Variants in BCL11A observed in about 807,000 individuals in gnomAD.
BCL11A encodes B cell CLL/lymphoma 11A.
Under a neutral mutation model 55.9 loss-of-function variants are expected in BCL11A, and 2 were observed. The ratio of observed to expected loss-of-function variants is 0.04; its 90% CI spans 0.01 to 0.11. The LOEUF is 0.11. Ranked by LOEUF, BCL11A falls within the 10% of genes least tolerant of loss-of-function variation. BCL11A has a pLI of 1.00. For missense variants in BCL11A, 817 were observed against 1,137.1 expected (o/e 0.72, Z 4.05); for synonymous variants, 465 against 473.4 (o/e 0.98, Z 0.23).
At chr2:60,472,786 G>A (rs1677280211) in intron 2 of BCL11A, among the ~76,000 whole-genome samples, 1 of 152,242 alleles carries the variant, frequency 6.6e-6, no homozygotes, top group Middle Eastern at 3.4e-3. Context: ...CTAATCACTG[G>A]GTGTGTAATA....
chr2:60,483,643 A>C (rs1678093872), intron 2 of BCL11A, among the ~76,000 whole-genome samples: 1 of 152,244 alleles, frequency 6.6e-6, no homozygotes, highest in African/African-American at 2.4e-5. Context: ...CGTCCCCAGG[A>C]AACATCAAAT....
Position 60,459,631 on chromosome 2 carries a change from T to A in BCL11A, c.*773A>T. The A allele has an allele frequency of 9.7e-7, 1 of 1,031,116 alleles. No homozygotes were observed. Among genetic ancestry groups the A allele is most frequent in the African/African-American group, 1.7e-5 (1 of 59,258 alleles). 63.9% of individuals were successfully genotyped at this position (1,031,116 alleles called of 1,614,324 possible). A position where few individuals can be genotyped will look rare whatever the true frequency, so the allele number is the denominator to read the frequency against. On this transcript the variant is annotated 3_prime_UTR_variant, in exon 4 of 4. Coordinates refer to ENST00000642384, the MANE Select transcript of BCL11A (RefSeq NM_022893.4). The stretch of plus-strand genomic sequence containing the variant: ...CCAATGCTGAATTAAGCTACAAGTT[T>A]ATAACAAGTAGAAAGAACCATCGAT...
intron 2 of BCL11A, chr2:60,542,083 A>G (rs1185003439): frequency 1.9e-6 from 1 of 526,102 alleles, no homozygotes; most frequent in African/African-American, 2.0e-5. Context: ...CTGATATATC[A>G]TTATCTAAAT....
At chr2:60,511,623 T>C (rs1679991768) in intron 2 of BCL11A, among the ~76,000 whole-genome samples, 1 of 152,222 alleles carries the variant, frequency 6.6e-6, no homozygotes, top group African/African-American at 2.4e-5. Context: ...AGCTACACTC[T>C]ACATAACTGC....
chr2:60,552,503 G>A (rs1393402882), intron 1 of BCL11A, among the ~76,000 whole-genome samples: 1 of 152,122 alleles, frequency 6.6e-6, no homozygotes, highest in Non-Finnish European at 1.5e-5. Context: ...CCCACCTCTG[G>A]CCGGAACAAA....
intron 2 of BCL11A, among the ~76,000 whole-genome samples, chr2:60,501,010 A>T (rs965695550): frequency 5.3e-5 from 8 of 152,172 alleles, no homozygotes; most frequent in Admixed American, 2.6e-4. Context: ...GTAAAATGGG[A>T]GAACCCTGAA....
At chr2:60,499,246 T>TAG (rs1360904176) in intron 2 of BCL11A, among the ~76,000 whole-genome samples, 1 of 152,080 alleles carries the variant, frequency 6.6e-6, no homozygotes, top group Non-Finnish European at 1.5e-5. Flanking sequence ...GGCGAGTGGA[T>TAG]AGCGCCCTTC....
chr2:60,540,780 C>G (rs1041415577), intron 2 of BCL11A, among the ~76,000 whole-genome samples: 1 of 152,144 alleles, frequency 6.6e-6, no homozygotes, highest in Non-Finnish European at 1.5e-5. Context: ...CCTGCCTGCA[C>G]GTTTCTACAC....
intron 1 of BCL11A, among the ~76,000 whole-genome samples, chr2:60,549,076 T>A (rs1293203626): frequency 6.6e-6 from 1 of 152,066 alleles, no homozygotes; most frequent in African/African-American, 2.4e-5. Context: ...AGTCCTCGAT[T>A]GAAGTGGAAG....
rs1280621043 is a variant in BCL11A, at chr2:60,546,234, C to T, written c.122G>A (p.Gly41Glu). ...PDHGPLGAPE[G>E]DHDLLTCGQC... ...CCCACAGGTGAGGAGGTCATGATCCCCTTCTGGAGCTCCCAACGGGCCGTG... is the reference window on the plus strand; with the variant it reads ...CCCACAGGTGAGGAGGTCATGATCCTCTTCTGGAGCTCCCAACGGGCCGTG... The change falls in exon 2 of 4, where the codon GGG (glycine) becomes GAG (glutamate). Residue 41 changes from glycine to glutamate, a missense_variant. Gly to Glu is a moderately conservative substitution (Grantham distance 98, BLOSUM62 -2). Transcript: ENST00000642384. The surrounding 1 kb of genome is among the most constrained non-coding windows in gnomAD (Gnocchi z 4.1). The T allele has an allele frequency of 6.2e-7, 1 of 1,614,084 alleles. No homozygotes were observed. Among genetic ancestry groups the T allele is most frequent in the African/African-American group, 1.3e-5 (1 of 74,924 alleles).
intron 2 of BCL11A, among the ~76,000 whole-genome samples, chr2:60,513,744 A>G (rs1216863842): frequency 3.3e-5 from 5 of 152,234 alleles, no homozygotes; most frequent in Non-Finnish European, 7.3e-5. Flanking sequence ...CTGGGAAAAT[A>G]GAACTGAGTC....
rs1198243798 is a variant in BCL11A at position 60,460,402 on chromosome 2, C to A, written c.*2G>T. 14 of 1,590,682 alleles carry A rather than the reference C, an allele frequency of 8.8e-6. No homozygotes were observed. The highest frequency in any genetic ancestry group is 1.2e-5 in the Non-Finnish European group (14 of 1,163,672). On this transcript the variant is annotated 3_prime_UTR_variant, in exon 4 of 4. Coordinates refer to ENST00000642384, the MANE Select transcript of BCL11A (RefSeq NM_022893.4). ...GAGTGAGGGAGGGGTATTAATATAC[C>A]TCTATTCAGTTTTTATATCATTATT...
chr2:60,463,958 G>C (rs1261785186), intron 3 of BCL11A, among the ~76,000 whole-genome samples: 1 of 151,718 alleles, frequency 6.6e-6, no homozygotes, highest in Non-Finnish European at 1.5e-5. Flanking sequence ...GGTTAAGAGT[G>C]AGAATGAGGA....
chr2:60,517,113 T>A (rs1477177246), intron 2 of BCL11A, among the ~76,000 whole-genome samples: 1 of 152,148 alleles, frequency 6.6e-6, no homozygotes, highest in Non-Finnish European at 1.5e-5. Context: ...GGATCGAAGG[T>A]AGACAAAAGG....
intron 2 of BCL11A, among the ~76,000 whole-genome samples, chr2:60,511,161 T>A (rs2104482821): frequency 6.6e-6 from 1 of 152,112 alleles, no homozygotes; most frequent in East Asian, 1.9e-4. Context: ...TTACTCTCCC[T>A]CCATTCTTGC....
chr2:60,481,647 T>C (rs917622048), intron 2 of BCL11A, among the ~76,000 whole-genome samples: 3 of 152,200 alleles, frequency 2.0e-5, no homozygotes, highest in African/African-American at 7.2e-5. Flanking sequence ...TTTTTTTGTC[T>C]TGTTTTTCTT....
chr2:60,539,575 A>C (rs1483448390), intron 2 of BCL11A, among the ~76,000 whole-genome samples: 2 of 152,250 alleles, frequency 1.3e-5, no homozygotes, highest in Non-Finnish European at 2.9e-5. Flanking sequence ...GTTACATTTT[A>C]AAACTGATTA....
intron 2 of BCL11A, among the ~76,000 whole-genome samples, chr2:60,541,242 G>C (rs1258848766): frequency 6.6e-6 from 1 of 152,164 alleles, no homozygotes; most frequent in Non-Finnish European, 1.5e-5. Context: ...AAGATGACTA[G>C]GAAAATGCAC....
In BCL11A at chr2:60,458,601, G is replaced by GTT. The variant is rs879782250; in HGVS notation, c.*1801_*1802dup. The GTT allele has an allele frequency of 1.7e-4, 142 of 843,146 alleles. No homozygotes were observed. Among genetic ancestry groups the GTT allele is most frequent in the East Asian group, 5.1e-4 (7 of 13,690 alleles). 52.2% of individuals were successfully genotyped at this position (843,146 alleles called of 1,614,324 possible). A position where few individuals can be genotyped will look rare whatever the true frequency, so the allele number is the denominator to read the frequency against. On this transcript the variant is annotated 3_prime_UTR_variant, in exon 4 of 4. Coordinates refer to ENST00000642384, the MANE Select transcript of BCL11A (RefSeq NM_022893.4). Reference sequence around the variant, plus strand: ...AATAGTCAAGTAAATGGCTGGCAAAGTTTTTTTTTTTTTAGTTTTTAAAAA... The same window carrying GTT: ...AATAGTCAAGTAAATGGCTGGCAAAGTTTTTTTTTTTTTTTAGTTTTTAAAAA...
Sources: gnomAD v4.1 joint callset for allele counts (sites outside exome capture counted in the v4.1 genomes callset) on GRCh38, gnomAD v4.1.1 for gene constraint, Gnocchi (gnomAD v3.1) non-coding constraint, MANE v1.5 for transcripts, NCBI Gene and HGNC (gene_info 2026-07-23, HGNC 2026-07-21) for gene names.